The following PVT1 variants were observed in gnomAD, a reference collection of about 807,000 sequenced individuals.
PVT1 encodes the protein Pvt1 oncogene, also known as CXCR4/PVT1 fusion.
At chr8:128,068,633 T>C (rs1813942604) in intron 4 of PVT1, among the ~76,000 whole-genome samples, 2 of 152,152 alleles carry the variant, frequency 1.3e-5, no homozygotes, top group African/African-American at 4.8e-5. Flanking sequence ...GAAGCTGGGA[T>C]TACAGGTACA....
intron 4 of PVT1, among the ~76,000 whole-genome samples, chr8:128,008,522 T>C (rs1817274172): frequency 6.6e-6 from 1 of 152,234 alleles, no homozygotes; most frequent in Admixed American, 6.5e-5. Context: ...CCCTACTTCT[T>C]TTGCAGCTAA....
intron 4 of PVT1, among the ~76,000 whole-genome samples, chr8:128,026,037 C>T (rs918011773): frequency 6.6e-6 from 1 of 152,040 alleles, no homozygotes; most frequent in Non-Finnish European, 1.5e-5. Flanking sequence ...CTGCAACCTC[C>T]GCCTCCAGGG....
At chr8:128,001,731 G>A (rs188543240) in intron 4 of PVT1, among the ~76,000 whole-genome samples, 28 of 152,282 alleles carry the variant, frequency 1.8e-4, no homozygotes, top group African/African-American at 6.7e-4. Context: ...ATTTCTCATA[G>A]TTCTCAAAGC....
chr8:127,899,850 A>C (rs1001731576), intron 3 of PVT1, among the ~76,000 whole-genome samples: 9 of 152,132 alleles, frequency 5.9e-5, no homozygotes, highest in African/African-American at 1.9e-4. Flanking sequence ...CATGTATTCT[A>C]GAATCTGCTA....
At chr8:127,984,668 A>G (rs2129985781) in intron 3 of PVT1, among the ~76,000 whole-genome samples, 1 of 151,678 alleles carries the variant, frequency 6.6e-6, no homozygotes, top group Non-Finnish European at 1.5e-5. Context: ...GTGCTGTGGT[A>G]CAATCTCAGC....
In PVT1 at chr8:127,797,523, C is replaced by G. The variant is rs191208435; in HGVS notation, n.372+1452C>G. Among the ~76,000 whole-genome samples, 272 of 152,310 alleles carry G rather than the reference C, an allele frequency of 1.8e-3. 1 individual carries two copies. Among genetic ancestry groups the G allele is most frequent in the African/African-American group, 6.1e-3 (253 of 41,562 alleles). ...CACTTCAATATCATCCCTAGAGAGT[C>G]TCAGAAATTCAAGGCCTTTTGGAAT... On this transcript the variant is annotated intron_variant and non_coding_transcript_variant, in intron 2 of 10. Transcript: ENST00000651587.
intron 2 of PVT1, among the ~76,000 whole-genome samples, chr8:127,817,226 G>A (rs777512619): frequency 5.3e-5 from 8 of 151,674 alleles, no homozygotes; most frequent in South Asian, 2.1e-4. Flanking sequence ...GGTTGAGAGC[G>A]CTGTTCTGGA....
At chr8:127,893,864 G>C (rs956895381) in intron 3 of PVT1, among the ~76,000 whole-genome samples, 1 of 152,226 alleles carries the variant, frequency 6.6e-6, no homozygotes, top group African/African-American at 2.4e-5. Context: ...AGCTGGGCAA[G>C]CCAGGCCTAG....
At chr8:127,863,922 C>T (rs916217875) in intron 2 of PVT1, among the ~76,000 whole-genome samples, 3 of 152,158 alleles carry the variant, frequency 2.0e-5, no homozygotes. Context: ...CAGGCCTTTG[C>T]CCCCATGCCC....
chr8:127,924,790 T>C (rs1244241863), intron 3 of PVT1, among the ~76,000 whole-genome samples: 1 of 151,620 alleles, frequency 6.6e-6, no homozygotes, highest in Non-Finnish European at 1.5e-5. Flanking sequence ...GGATTACAGG[T>C]GTGAACCACC....
intron 3 of PVT1, among the ~76,000 whole-genome samples, chr8:127,970,285 A>ATT (rs1321419703): frequency 4.5e-4 from 12 of 26,820 alleles, no homozygotes; most frequent in African/African-American, 1.4e-3. Context: ...ATCTGCCATG[A>ATT]TTTGTTTTTT....
At chr8:127,999,199 C>G (rs976711033) in intron 4 of PVT1, 1 of 152,172 alleles carries the variant, frequency 6.6e-6, no homozygotes, top group African/African-American at 2.4e-5. Context: ...TTATCCATTG[C>G]ACTCCCGATG....
At chr8:128,094,695 C>T (rs576312232) in intron 5 of PVT1, among the ~76,000 whole-genome samples, 6 of 152,370 alleles carry the variant, frequency 3.9e-5, no homozygotes, top group Admixed American at 6.5e-5. Flanking sequence ...CTTCTACTCT[C>T]TATTCCTCCC....
At chr8:127,818,548 G>A (rs1046068937) in intron 2 of PVT1, among the ~76,000 whole-genome samples, 8 of 152,266 alleles carry the variant, frequency 5.3e-5, no homozygotes, top group Middle Eastern at 3.4e-3. Context: ...CTCTGCTGGC[G>A]TTCTGTGTTA....
At chr8:127,979,467 C>T (rs533679059) in intron 3 of PVT1, among the ~76,000 whole-genome samples, 9 of 152,204 alleles carry the variant, frequency 5.9e-5, no homozygotes, top group African/African-American at 1.4e-4. Context: ...TAAACCTTTG[C>T]GATGCAGGCT....
chr8:128,073,026 G>A (rs1269466649), intron 5 of PVT1, among the ~76,000 whole-genome samples: 6 of 151,930 alleles, frequency 3.9e-5, no homozygotes, highest in Non-Finnish European at 4.4e-5. Context: ...TAGAGATGGG[G>A]TTTCACCATG....
intron 3 of PVT1, among the ~76,000 whole-genome samples, chr8:127,911,695 A>G (rs957017464): frequency 6.6e-6 from 1 of 152,228 alleles, no homozygotes; most frequent in Admixed American, 6.5e-5. Context: ...TCATAGAACT[A>G]GGGCTTACAC....
chr8:127,831,157 A>C (rs112476555), intron 2 of PVT1, among the ~76,000 whole-genome samples: 17,133 of 116,550 alleles, frequency 0.15, 1,060 homozygotes, highest in South Asian at 0.27. Flanking sequence ...CTCTCTCTCT[A>C]TATATATATA....
chr8:127,960,842 G>T, intron 3 of PVT1: 1 of 242,098 alleles, frequency 4.1e-6, no homozygotes, highest in Non-Finnish European at 8.7e-6. Context: ...ACATACTGCA[G>T]GCCAGGCATG....
Sources: gnomAD v4.1 joint callset for allele counts (sites outside exome capture counted in the v4.1 genomes callset) on GRCh38, gnomAD v4.1.1 for gene constraint, MANE v1.5 for transcripts, NCBI Gene and HGNC (gene_info 2026-07-23, HGNC 2026-07-21) for gene names.